ALDH1A2: variants seen among roughly 807,000 people sequenced by gnomAD.
The protein encoded by ALDH1A2 is retinal dehydrogenase 2.
ALDH1A2 carries 27 observed loss-of-function variants against 60.3 expected under a neutral mutation model. That is an observed-to-expected ratio of 0.45 (90% CI 0.33 to 0.62). The LOEUF (loss-of-function observed/expected upper bound fraction) is 0.62. Among genes scored for constraint, ALDH1A2 ranks in the 20% least tolerant of loss-of-function variants. ALDH1A2 has a pLI of 0.02. For missense variants in ALDH1A2, 581 were observed against 643.8 expected, an observed-to-expected ratio of 0.90 and a Z score of 1.06; for synonymous variants, 289 against 232.4, an observed-to-expected ratio of 1.24 and a Z score of -2.21.
chr15:58,031,129 A>T (rs185587692), intron 1 of ALDH1A2, among the ~76,000 whole-genome samples: 236 of 151,944 alleles, frequency 1.6e-3, no homozygotes, highest in Middle Eastern at 3.4e-3. Flanking sequence ...TCAAGGCTAC[A>T]GTAACCAAAA....
chr15:58,002,035 C>G (rs1229988822), intron 4 of ALDH1A2, among the ~76,000 whole-genome samples: 1 of 151,974 alleles, frequency 6.6e-6, no homozygotes, highest in Admixed American at 6.6e-5. Flanking sequence ...CGCAGACTAA[C>G]AGATATTGCT....
intron 3 of ALDH1A2, 69 bp from the exon 4 acceptor site, chr15:58,010,847 A>G: frequency 6.3e-7 from 1 of 1,578,824 alleles, no homozygotes; most frequent in South Asian, 1.1e-5. Context: ...TTTCTAGAGC[A>G]GAAGAAAAAA....
intron 1 of ALDH1A2, among the ~76,000 whole-genome samples, chr15:58,031,452 T>C (rs1896238117): frequency 6.6e-6 from 1 of 152,100 alleles, no homozygotes; most frequent in African/African-American, 2.4e-5. Flanking sequence ...GACATAGGCA[T>C]GGGAAAAGAC....
intron 1 of ALDH1A2, among the ~76,000 whole-genome samples, chr15:58,064,185 T>C (rs1370178983): frequency 1.3e-5 from 2 of 152,142 alleles, no homozygotes; most frequent in Admixed American, 1.3e-4. Flanking sequence ...AGCTGCATGC[T>C]TTCCCTGCTC....
intron 3 of ALDH1A2, among the ~76,000 whole-genome samples, chr15:58,013,549 C>G (rs188620851): frequency 2.0e-5 from 3 of 152,150 alleles, no homozygotes; most frequent in Admixed American, 2.0e-4. Flanking sequence ...TTTAGGAGCT[C>G]AAGACCAGCC....
Position 57,963,930 on chromosome 15 carries a change from G to A in ALDH1A2, c.1041C>T (p.Arg347=), listed in dbSNP as rs1023303759. 2.5e-6 allele frequency: 4 copies of A among 1,614,132 alleles called. No homozygotes were observed. The highest frequency in any genetic ancestry group is 2.7e-5 in the African/African-American group (2 of 75,040). Residue 347 remains arginine, a synonymous_variant, in exon 9 of 13, where the codon CGC becomes CGT. Transcript: ENST00000249750. The stretch of plus-strand genomic sequence containing the variant: ...TGGGGTCAAAGGGACTCCCCACTAC[G>A]CGCCTCTTGGCCCGCTCCACGCTTC... The part of the protein sequence containing the change: ...VRRSVERAKR[R]VVGSPFDPTT...
chr15:58,057,326 A>G (rs1234130812), intron 1 of ALDH1A2, among the ~76,000 whole-genome samples: 1 of 152,088 alleles, frequency 6.6e-6, no homozygotes, highest in African/African-American at 2.4e-5. Flanking sequence ...ATATATATAT[A>G]TATGGTACAT....
chr15:57,968,492 T>C (rs1193898339), intron 7 of ALDH1A2, among the ~76,000 whole-genome samples: 1 of 152,220 alleles, frequency 6.6e-6, no homozygotes, highest in Non-Finnish European at 1.5e-5. Context: ...CATTTTTCTG[T>C]TCTCTTTTCT....
chr15:57,954,956 TC>T lies in ALDH1A2; in HGVS notation c.*240del, dbSNP rs1326099367. The T allele has an allele frequency of 8.5e-6, 5 of 585,024 alleles. No homozygotes were observed. The African/African-American group carries it at 9.3e-5, about 11-fold the overall frequency. The allele number at this position is 585,024 out of a possible 1,614,324, so 36.2% of individuals were successfully genotyped here. ...GGATGTGTCTGCTAGCTCCTCCTCC[TC>T]CCTTTATCCCACTTTCCCCAATATT... On this transcript the variant is annotated 3_prime_UTR_variant, in exon 13 of 13. Transcript: ENST00000249750.
chr15:58,035,559 T>C (rs1239766262), intron 1 of ALDH1A2, among the ~76,000 whole-genome samples: 3 of 151,738 alleles, frequency 2.0e-5, no homozygotes, highest in African/African-American at 4.8e-5. Context: ...TTCAGTGTGA[T>C]ACATTTCTAT....
rs556545186 is a variant in ALDH1A2, at chr15:57,981,975, C to A, written c.798+10730G>T. ...GGTGAACGACTTCCTGTGGTGTCAT[C>A]CCATGGTGAAAGATGGAAGAGCAAG... is the stretch of plus-strand genomic sequence containing the variant. On this transcript the variant is annotated intron_variant, in intron 7 of 12. Transcript: ENST00000249750. 3.9e-5 allele frequency among the ~76,000 whole-genome samples: 6 copies of A among 152,260 alleles called. No homozygotes were observed. In the East Asian group the frequency reaches 7.7e-4, roughly 20 times the overall value.
chr15:58,010,570 T>C (rs1895600052), intron 4 of ALDH1A2, 79 bp downstream of exon 4: 5 of 1,578,164 alleles, frequency 3.2e-6, no homozygotes, highest in Non-Finnish European at 4.3e-6. Flanking sequence ...TCTGTGTGAC[T>C]GCTGTTTGTG....
chr15:58,027,226 C>T (rs188527657), intron 1 of ALDH1A2, among the ~76,000 whole-genome samples: 47 of 152,320 alleles, frequency 3.1e-4, no homozygotes, highest in East Asian at 2.3e-3. Flanking sequence ...ATTTGCTCTT[C>T]TGCAGTCTCT....
intron 7 of ALDH1A2, among the ~76,000 whole-genome samples, chr15:57,969,151 G>A (rs4646616): frequency 0.39 from 58,533 of 151,992 alleles, 11,811 homozygotes; most frequent in Non-Finnish European, 0.46. Context: ...CTCCTAAACA[G>A]CCCTGGTTTT....
intron 1 of ALDH1A2, among the ~76,000 whole-genome samples, chr15:58,040,609 T>C (rs1187505328): frequency 2.0e-5 from 3 of 151,864 alleles, no homozygotes; most frequent in Non-Finnish European, 4.4e-5. Context: ...GGCAAAAAAC[T>C]TGAACCTTTC....
chr15:57,982,534 T>C (rs935194412), intron 7 of ALDH1A2, among the ~76,000 whole-genome samples: 1 of 152,140 alleles, frequency 6.6e-6, no homozygotes, highest in Non-Finnish European at 1.5e-5. Context: ...AAGTAAAGGA[T>C]GAAGAGAAAT....
At chr15:57,994,970 T>C (rs1192300012) in intron 5 of ALDH1A2, 108 bp downstream of exon 5, 2 of 1,092,768 alleles carry the variant, frequency 1.8e-6, no homozygotes, top group Non-Finnish European at 2.8e-6. Context: ...CTCAGTTTTT[T>C]TTCCTCCAGT....
chr15:57,968,523 T>A (rs1213029086), intron 7 of ALDH1A2, among the ~76,000 whole-genome samples: 6 of 152,260 alleles, frequency 3.9e-5, no homozygotes. Context: ...AGCACTAATG[T>A]GTGCCACATA....
intron 1 of ALDH1A2, among the ~76,000 whole-genome samples, chr15:58,052,213 CTGTT>C (rs1431897251): frequency 1.3e-5 from 2 of 152,058 alleles, no homozygotes; most frequent in Non-Finnish European, 2.9e-5. Context: ...TTCAACAAAA[CTGTT>C]TGAGTGCAAA....
Sources: gnomAD v4.1 joint callset for allele counts (sites outside exome capture counted in the v4.1 genomes callset) on GRCh38, gnomAD v4.1.1 for gene constraint, MANE v1.5 for transcripts, NCBI Gene and HGNC (gene_info 2026-07-23, HGNC 2026-07-21) for gene names.